The following TNFSF11 variants were observed in gnomAD, a reference collection of about 807,000 sequenced individuals.
TNFSF11 encodes the protein TNF superfamily member 11, also known as tumor necrosis factor ligand superfamily member 11.
A neutral mutation model predicts 32.2 loss-of-function variants in TNFSF11; 12 were observed. That is an observed-to-expected ratio of 0.37 (90% CI 0.24 to 0.60). The LOEUF (loss-of-function observed/expected upper bound fraction) is 0.60. Ranked by LOEUF, TNFSF11 falls within the 20% of genes least tolerant of loss-of-function variation. The probability of loss-of-function intolerance (pLI) is 0.66; values close to 1 mark genes in which losing one functional copy is unlikely to be tolerated. For missense variants in TNFSF11, 345 were observed against 398.0 expected (o/e 0.87, Z 1.13); for synonymous variants, 172 against 152.1 (o/e 1.13, Z -0.96).
intron 1 of TNFSF11, among the ~76,000 whole-genome samples, chr13:42,565,444 T>C (rs571610508): frequency 1.3e-5 from 2 of 152,294 alleles, no homozygotes; most frequent in Non-Finnish European, 2.9e-5. Flanking sequence ...GTGTAAGCTT[T>C]GTGGGGACAA....
At chr13:42,581,365 T>C in intron 2 of TNFSF11, 72 bp downstream of exon 2, 1 of 1,529,086 alleles carries the variant, frequency 6.5e-7, no homozygotes, top group Non-Finnish European at 9.0e-7. Context: ...TAAAACTGGC[T>C]AAGTGCTGTT....
At chr13:42,576,467 CGT>C (rs998619877) in intron 1 of TNFSF11, among the ~76,000 whole-genome samples, 22 of 152,122 alleles carry the variant, frequency 1.4e-4, no homozygotes, top group African/African-American at 3.9e-4. Flanking sequence ...TCAAAGTAAA[CGT>C]GTGAGTTAGT....
chr13:42,570,006 A>T (rs1263678191), upstream of TNFSF11, among the ~76,000 whole-genome samples: 1 of 152,162 alleles, frequency 6.6e-6, no homozygotes, highest in Non-Finnish European at 1.5e-5. Context: ...TTATGTTAAC[A>T]TGCTAATATG....
intron 2 of TNFSF11, among the ~76,000 whole-genome samples, chr13:42,600,184 C>T (rs750339520): frequency 6.6e-5 from 10 of 152,024 alleles, no homozygotes; most frequent in Non-Finnish European, 1.3e-4. Flanking sequence ...CTATTTGTGG[C>T]CATATTTTAA....
At chr13:42,573,884 C>T (rs1873163282), upstream of TNFSF11, among the ~76,000 whole-genome samples, 3 of 152,164 alleles carry the variant, frequency 2.0e-5, no homozygotes, top group South Asian at 2.1e-4. Context: ...TCCTCTGCGT[C>T]TTCTTTAACC....
At chr13:42,586,782 A>T (rs1873921496) in intron 2 of TNFSF11, among the ~76,000 whole-genome samples, 1 of 152,212 alleles carries the variant, frequency 6.6e-6, no homozygotes, top group Admixed American at 6.5e-5. Flanking sequence ...ACTTAACTGG[A>T]GAACAGGAAG....
chr13:42,583,779 G>A (rs78517658), intron 2 of TNFSF11, among the ~76,000 whole-genome samples: 2,587 of 152,146 alleles, frequency 0.017, 89 homozygotes, highest in African/African-American at 0.059. Context: ...GATGCCCACT[G>A]TCCCTACGTT....
intron 1 of TNFSF11, among the ~76,000 whole-genome samples, chr13:42,579,622 T>G (rs1315198005): frequency 6.6e-6 from 1 of 150,938 alleles, no homozygotes; most frequent in East Asian, 2.0e-4. Flanking sequence ...TCTTCTTTCC[T>G]GAGGTCTAAA....
intron 2 of TNFSF11, among the ~76,000 whole-genome samples, chr13:42,597,102 A>T (rs921279601): frequency 6.6e-6 from 1 of 152,240 alleles, no homozygotes; most frequent in Non-Finnish European, 1.5e-5. Flanking sequence ...GCACATAAAT[A>T]ACAATGGTTT....
At chr13:42,573,128 A>C (rs1873130235), upstream of TNFSF11, among the ~76,000 whole-genome samples, 1 of 152,138 alleles carries the variant, frequency 6.6e-6, no homozygotes, top group African/African-American at 2.4e-5. Flanking sequence ...ACAAGAAAAA[A>C]AGTCTACAGA....
chr13:42,570,731 C>T (rs73174426), upstream of TNFSF11, among the ~76,000 whole-genome samples: 7,761 of 152,132 alleles, frequency 0.051, 309 homozygotes, highest in Non-Finnish European at 0.076. Flanking sequence ...TCACTCTCAG[C>T]TTAGGATAGC....
intron 4 of TNFSF11, among the ~76,000 whole-genome samples, chr13:42,602,332 A>T (rs188585394): frequency 6.6e-6 from 1 of 152,298 alleles, no homozygotes; most frequent in African/African-American, 2.4e-5. Context: ...TGGGAGTGTG[A>T]TTTGTTATTT....
chr13:42,604,233 A>G (rs1225187302), intron 4 of TNFSF11, among the ~76,000 whole-genome samples: 1 of 152,224 alleles, frequency 6.6e-6, no homozygotes, highest in African/African-American at 2.4e-5. Flanking sequence ...GATGGGAAAC[A>G]TCTTGAATTT....
chr13:42,599,843 G>A (rs1317772585), intron 2 of TNFSF11, among the ~76,000 whole-genome samples: 1 of 152,122 alleles, frequency 6.6e-6, no homozygotes, highest in Non-Finnish European at 1.5e-5. Context: ...GTGCTGGGAT[G>A]ATGGGTATAT....
intron 2 of TNFSF11, among the ~76,000 whole-genome samples, chr13:42,585,668 G>A (rs9525644): frequency 0.43 from 64,638 of 151,944 alleles, 13,976 homozygotes; most frequent in East Asian, 0.48. Flanking sequence ...CGGGGGGTGA[G>A]GAAGGAGTGA....
chr13:42,563,517 G>T (rs1325471785), intron 1 of TNFSF11, among the ~76,000 whole-genome samples: 1 of 152,080 alleles, frequency 6.6e-6, no homozygotes, highest in Admixed American at 6.5e-5. Flanking sequence ...ACAAAAATTA[G>T]CTGGGTGTGG....
intron 4 of TNFSF11, 126 bp from the exon 5 acceptor site, chr13:42,606,371 A>G: frequency 1.7e-6 from 2 of 1,172,074 alleles, no homozygotes. Flanking sequence ...AGAAATGCCA[A>G]TAAGTTATTC....
chr13:42,563,664 A>G (rs76952354), intron 1 of TNFSF11, among the ~76,000 whole-genome samples: 1 of 7,860 alleles, frequency 1.3e-4, no homozygotes, highest in African/African-American at 5.7e-4. Flanking sequence ...ACTCCGTCTC[A>G]AAAAAAAAAA....
chr13:42,576,633 G>T (rs551674649), intron 1 of TNFSF11, among the ~76,000 whole-genome samples: 3 of 151,984 alleles, frequency 2.0e-5, no homozygotes, highest in Non-Finnish European at 2.9e-5. Flanking sequence ...TTTTAAAAAG[G>T]CTATCTCCTT....
Sources: gnomAD v4.1 joint callset for allele counts (sites outside exome capture counted in the v4.1 genomes callset) on GRCh38, gnomAD v4.1.1 for gene constraint, MANE v1.5 for transcripts, NCBI Gene and HGNC (gene_info 2026-07-23, HGNC 2026-07-21) for gene names.